CADM2: variants seen among roughly 807,000 people sequenced by gnomAD.
The protein encoded by CADM2 is immunoglobulin superfamily member 4D.
In CADM2, 12 loss-of-function variants were observed where a neutral mutation model predicts 49.8. The observed-to-expected ratio is 0.24, with a 90% CI of 0.15 to 0.39. CADM2 has a LOEUF of 0.39. CADM2 is among the 10% of genes least tolerant of loss of function. The pLI is 1.00. For synonymous variants in CADM2, 214 were observed against 175.4 expected (o/e 1.22, Z -1.74); for missense variants, 378 against 492.3 (o/e 0.77, Z 2.20).
chr3:85,615,287 C>T (rs1445621835), intron 1 of CADM2, among the ~76,000 whole-genome samples: 1 of 151,798 alleles, frequency 6.6e-6, no homozygotes, highest in Non-Finnish European at 1.5e-5. Flanking sequence ...ACACATAGTT[C>T]TCAGTTTTCC....
intron 1 of CADM2, among the ~76,000 whole-genome samples, chr3:85,706,689 C>A (rs1361540507): frequency 6.6e-6 from 1 of 152,056 alleles, no homozygotes; most frequent in African/African-American, 2.4e-5. Context: ...TTCTCAATAA[C>A]TGAATAAGCA....
intron 1 of CADM2, among the ~76,000 whole-genome samples, chr3:84,982,185 T>A (rs888070911): frequency 6.6e-6 from 1 of 152,186 alleles, no homozygotes; most frequent in Non-Finnish European, 1.5e-5. Flanking sequence ...ACTTTCTCAG[T>A]GAGAAAATAA....
chr3:86,023,079 C>T (rs1356446855), intron 8 of CADM2, among the ~76,000 whole-genome samples: 1 of 152,160 alleles, frequency 6.6e-6, no homozygotes, highest in Non-Finnish European at 1.5e-5. Context: ...ACCCAGTCCC[C>T]CTTTTCCCAG....
chr3:85,481,543 G>A (rs1174681026), intron 1 of CADM2, among the ~76,000 whole-genome samples: 5 of 151,552 alleles, frequency 3.3e-5, no homozygotes, highest in Non-Finnish European at 7.4e-5. Context: ...GTCAGAAAGG[G>A]CATTTTGATT....
At chr3:85,737,762 G>T (rs191209814) in intron 2 of CADM2, among the ~76,000 whole-genome samples, 1 of 152,044 alleles carries the variant, frequency 6.6e-6, no homozygotes, top group African/African-American at 2.4e-5. Flanking sequence ...GTTTCACTGT[G>T]TTAGCTAGGA....
At chr3:85,601,764 A>G (rs1009663846) in intron 1 of CADM2, among the ~76,000 whole-genome samples, 1 of 151,548 alleles carries the variant, frequency 6.6e-6, no homozygotes, top group Non-Finnish European at 1.5e-5. Context: ...GTGTTCATTT[A>G]CTATGCATTT....
At chr3:85,681,337 G>A (rs1038502660) in intron 1 of CADM2, among the ~76,000 whole-genome samples, 1 of 152,078 alleles carries the variant, frequency 6.6e-6, no homozygotes, top group Non-Finnish European at 1.5e-5. Flanking sequence ...TTAATATAGA[G>A]AGATAAGAAG....
intron 1 of CADM2, among the ~76,000 whole-genome samples, chr3:85,306,451 T>C (rs144914146): frequency 2.0e-5 from 3 of 151,838 alleles, no homozygotes; most frequent in African/African-American, 7.2e-5. Flanking sequence ...TTAAGTTACA[T>C]AGCTCAAAAT....
chr3:85,597,179 G>C lies in CADM2; in HGVS notation c.62-129343G>C, dbSNP rs182672124. Among the ~76,000 whole-genome samples the C allele has an allele frequency of 1.9e-3, 293 of 151,714 alleles. 1 individual carries two copies. The highest frequency in any genetic ancestry group is 2.9e-3 in the South Asian group (14 of 4,784). On this transcript the variant is annotated intron_variant, in intron 1 of 9. Coordinates refer to ENST00000383699, the MANE Select transcript of CADM2 (RefSeq NM_001167675.2). The stretch of plus-strand genomic sequence containing the variant: ...AAGAAAAATATGACACTTAATGAAA[G>C]TGCACAAGATTGTCAAGATTAAAAA...
At chr3:85,281,852 A>T (rs1239158904) in intron 1 of CADM2, among the ~76,000 whole-genome samples, 1 of 152,100 alleles carries the variant, frequency 6.6e-6, no homozygotes, top group African/African-American at 2.4e-5. Context: ...AAAGAAAATT[A>T]TCAGACTGTG....
intron 1 of CADM2, among the ~76,000 whole-genome samples, chr3:85,595,965 C>T (rs185674476): frequency 6.6e-6 from 1 of 151,762 alleles, no homozygotes; most frequent in East Asian, 1.9e-4. Context: ...TGGACTTGGT[C>T]CCTAAAAATC....
intron 1 of CADM2, among the ~76,000 whole-genome samples, chr3:85,562,858 G>T (rs2062139569): frequency 6.6e-6 from 1 of 151,962 alleles, no homozygotes; most frequent in Non-Finnish European, 1.5e-5. Context: ...ATTCTTCTTT[G>T]GGAAGTAATC....
At chr3:85,587,284 C>T (rs557205335) in intron 1 of CADM2, among the ~76,000 whole-genome samples, 4 of 152,128 alleles carry the variant, frequency 2.6e-5, no homozygotes, top group East Asian at 3.9e-4. Flanking sequence ...ACCCAAGTCA[C>T]GCATTATTTA....
chr3:85,041,380 G>C (rs1402920809), intron 1 of CADM2, among the ~76,000 whole-genome samples: 2 of 152,164 alleles, frequency 1.3e-5, no homozygotes, highest in African/African-American at 4.8e-5. Context: ...TTGTAGTTGT[G>C]TGTTTGCGTG....
At chr3:85,009,791 C>T (rs755983593) in intron 1 of CADM2, among the ~76,000 whole-genome samples, 1 of 150,298 alleles carries the variant, frequency 6.7e-6, no homozygotes, top group Non-Finnish European at 1.5e-5. Flanking sequence ...ACTTGAACCC[C>T]GGAGGTGGAG....
intron 7 of CADM2, among the ~76,000 whole-genome samples, chr3:85,943,401 G>A (rs1308010086): frequency 4.1e-5 from 6 of 145,548 alleles, no homozygotes; most frequent in Admixed American, 3.5e-4. Flanking sequence ...TAGACATGAA[G>A]TCCTTGCCCA....
At chr3:85,687,555 T>C (rs1245958586) in intron 1 of CADM2, among the ~76,000 whole-genome samples, 4 of 152,296 alleles carry the variant, frequency 2.6e-5, no homozygotes, top group Admixed American at 2.6e-4. Flanking sequence ...ACATTAGGAA[T>C]GTATACATTT....
At chr3:85,358,278 C>A (rs1244341704) in intron 1 of CADM2, among the ~76,000 whole-genome samples, 1 of 152,008 alleles carries the variant, frequency 6.6e-6, no homozygotes, top group African/African-American at 2.4e-5. Flanking sequence ...TGGTGGAGAA[C>A]ATTGTTTTTC....
rs182995625 is a variant in CADM2 at position 85,119,246 on chromosome 3, T to C, written c.61+159578T>C. On this transcript the variant is annotated intron_variant, in intron 1 of 9. Coordinates refer to ENST00000383699, the MANE Select transcript of CADM2 (RefSeq NM_001167675.2). ...GGGCAACATGGTGAAACCCTGTCTC[T>C]ACAAAAAAAATCCGGGCATTGTGAC... 6.6e-5 allele frequency among the ~76,000 whole-genome samples: 10 copies of C among 152,140 alleles called. No individual in the cohort carries two copies. The East Asian group carries it at 1.9e-3, about 30-fold the overall frequency.
Sources: allele counts gnomAD v4.1 joint callset (sites outside exome capture counted in the v4.1 genomes callset), GRCh38; gene constraint gnomAD v4.1.1; transcripts MANE v1.5; gene names NCBI Gene and HGNC (gene_info 2026-07-23, HGNC 2026-07-21).